Variants in CUBN observed in about 807,000 individuals in gnomAD.
CUBN encodes the protein 460 kDa receptor.
In CUBN, 282 loss-of-function variants were observed where a neutral mutation model predicts 405.3. The ratio of observed to expected loss-of-function variants is 0.70; its 90% CI spans 0.63 to 0.77. CUBN has a LOEUF of 0.77. Among genes scored for constraint, CUBN ranks in the 30% least tolerant of loss-of-function variants. The probability of loss-of-function intolerance (pLI) is 0.00; values close to 1 mark genes in which losing one functional copy is unlikely to be tolerated. For synonymous variants in CUBN, 1,684 were observed against 1,617.0 expected (o/e 1.04, Z -0.99); for missense variants, 4,514 against 4,475.2 (o/e 1.01, Z -0.25).
intron 27 of CUBN, among the ~76,000 whole-genome samples, chr10:17,029,111 T>A (rs931422735): frequency 2.0e-5 from 3 of 152,198 alleles, no homozygotes; most frequent in Middle Eastern, 3.2e-3. Context: ...CAGAAATTAT[T>A]TTAGGTTTGA....
chr10:16,972,934 AC>A (rs1339417109), intron 31 of CUBN, among the ~76,000 whole-genome samples: 4 of 152,100 alleles, frequency 2.6e-5, no homozygotes, highest in Admixed American at 2.6e-4. Flanking sequence ...TCCCAAACAG[AC>A]ATGCTACCAT....
Position 16,901,396 on chromosome 10 carries a change from T to C in CUBN, c.8126A>G (p.Tyr2709Cys). ...VITSPNYPNA[Y>C]DSLTHCSSLL... Reference sequence around the variant, plus strand: ...CGAAGAGCAGTGGGTCAGGCTGTCATAAGCATTTGGATAGTTGGGGCTTGT... The same window carrying C: ...CGAAGAGCAGTGGGTCAGGCTGTCACAAGCATTTGGATAGTTGGGGCTTGT... Residue 2709 changes from tyrosine to cysteine, a missense_variant, in exon 52 of 67, where the codon TAT becomes TGT. By Grantham distance (194) the Tyr-to-Cys change is radical. This residue lies in a region of CUBN where 1,186 missense variants were observed against 1,186.9 expected (regional missense o/e 1.00). Coordinates refer to ENST00000377833, the MANE Select transcript of CUBN (RefSeq NM_001081.4). 4 of 1,614,144 alleles carry C rather than the reference T, an allele frequency of 2.5e-6. No individual in the cohort carries two copies. Among genetic ancestry groups the C allele is most frequent in the Non-Finnish European group, 3.4e-6 (4 of 1,179,988 alleles).
At chr10:17,043,730 T>G in intron 26 of CUBN, 97 bp downstream of exon 26, 3 of 1,536,478 alleles carry the variant, frequency 2.0e-6, no homozygotes, top group Non-Finnish European at 2.7e-6. Flanking sequence ...GAACAGCGAG[T>G]ATACATACTT....
rs368864485 is a variant in CUBN, at chr10:16,925,726, T to G, written c.6320A>C (p.Lys2107Thr). The change falls in exon 42 of 67, where the codon AAG (lysine) becomes ACG (threonine). Residue 2107 changes from lysine to threonine, a missense_variant. Coordinates refer to ENST00000377833, the MANE Select transcript of CUBN (RefSeq NM_001081.4). ...GTTGGATGGGTAAGTCTCTGGATAC[T>G]TGGGGGACGTGATGATCCCTCTGTC... is the stretch of plus-strand genomic sequence containing the variant. ...HADRGIITSP[K>T]YPETYPSNLN... 1.5e-5 allele frequency: 24 copies of G among 1,613,896 alleles called. No homozygotes were observed. The African/African-American group carries it at 2.4e-4, about 16-fold the overall frequency.
In CUBN at chr10:16,950,024, C is replaced by A. The variant is rs1842887271; in HGVS notation, c.5057G>T (p.Gly1686Val). The A allele has an allele frequency of 1.2e-6, 2 of 1,613,820 alleles. No individual in the cohort carries two copies. The highest frequency in any genetic ancestry group is 1.7e-5 in the Admixed American group (1 of 60,002). The change falls in exon 34 of 67, where the codon GGC becomes GTC. Residue 1686 changes from glycine (G) to valine (V), a missense_variant. Transcript: ENST00000377833. The stretch of plus-strand genomic sequence containing the variant: ...ACCTCGGAGGGGCGCGTCTTCGTGG[C>A]CGCCATCCAAAATTTCTACAAAGTC... ...ARDFVEILDG[G>V]HEDAPLRGRY...
At chr10:16,965,253 A>G (rs1843355410) in intron 31 of CUBN, among the ~76,000 whole-genome samples, 1 of 152,128 alleles carries the variant, frequency 6.6e-6, no homozygotes, top group Non-Finnish European at 1.5e-5. Flanking sequence ...CCTTCCATTC[A>G]GTCTCAAAAC....
At position 17,063,621 on chromosome 10, in the gene CUBN, C is replaced by T. The variant is rs1835549721; in HGVS notation, c.3139+1887G>A. Among the ~76,000 whole-genome samples, 3 of 152,118 alleles carry T rather than the reference C, an allele frequency of 2.0e-5. No individual in the cohort carries two copies. The South Asian group carries it at 6.2e-4, about 31-fold the overall frequency. ...TTAGAATTAAAATCTAATATCCTCC[C>T]TGCCCAATTATTTTAACTGCTCTGG... On this transcript the variant is annotated intron_variant, in intron 22 of 66. Coordinates refer to ENST00000377833, the MANE Select transcript of CUBN (RefSeq NM_001081.4).
intron 59 of CUBN, 26 bp from the exon 60 acceptor site, chr10:16,851,469 T>C (rs1260459467): frequency 6.2e-7 from 1 of 1,606,190 alleles, no homozygotes; most frequent in Non-Finnish European, 8.5e-7. Flanking sequence ...GACATCACTA[T>C]GCAGACCAAA....
Position 17,065,656 on chromosome 10 carries a change from A to T in CUBN, c.3009-18T>A. 1 of 1,612,910 alleles carries T rather than the reference A, an allele frequency of 6.2e-7. No homozygotes were observed. The highest frequency in any genetic ancestry group is 1.1e-5 in the South Asian group (1 of 91,068). ...CACAGTATCTATTCCAAACCAAGAA[A>T]GGACAGATGTGTGTATTTTAGTTTG... is the stretch of plus-strand genomic sequence containing the variant. On this transcript the variant is annotated intron_variant, in intron 21 of 66. Transcript: ENST00000377833.
At chr10:16,878,617 C>G (rs938635599) in intron 56 of CUBN, among the ~76,000 whole-genome samples, 12 of 152,322 alleles carry the variant, frequency 7.9e-5, no homozygotes, top group African/African-American at 2.6e-4. Context: ...CCGACTTACT[C>G]TCCCACAACA....
At chr10:17,054,254 C>A (rs1349132017) in intron 22 of CUBN, among the ~76,000 whole-genome samples, 2 of 151,084 alleles carry the variant, frequency 1.3e-5, no homozygotes, top group African/African-American at 4.9e-5. Flanking sequence ...TCACTTGAAA[C>A]CAGGAGGCGG....
Position 16,954,475 on chromosome 10 carries a change from A to T in CUBN, c.4769T>A (p.Ile1590Asn). The stretch of plus-strand genomic sequence containing the variant: ...GAAGAGGCTGTTTCCTGAGGAGACG[A>T]TGGGGTTAGCCAGCTGCTCCCTTCC... ...TCGREQLANP[I>N]VSSGNSLFLR... Residue 1590 changes from isoleucine to asparagine, a missense_variant, in exon 32 of 67, where the codon ATC becomes AAC. Physicochemically the swap from Ile to Asn is moderately radical, Grantham distance 149. Coordinates refer to ENST00000377833, the MANE Select transcript of CUBN (RefSeq NM_001081.4). 2 of 1,614,042 alleles carry T rather than the reference A, an allele frequency of 1.2e-6. No homozygotes were observed. The highest frequency in any genetic ancestry group is 1.7e-6 in the Non-Finnish European group (2 of 1,180,012).
intron 27 of CUBN, among the ~76,000 whole-genome samples, chr10:17,026,313 T>C (rs893737522): frequency 1.3e-5 from 2 of 152,204 alleles, no homozygotes; most frequent in Admixed American, 1.3e-4. Flanking sequence ...GAAATGTTCC[T>C]GTAACAACAG....
intron 3 of CUBN, 66 bp from the exon 4 acceptor site, chr10:17,126,865 C>T: frequency 6.5e-7 from 1 of 1,529,046 alleles, no homozygotes; most frequent in Non-Finnish European, 9.1e-7. Flanking sequence ...GATGTTATAT[C>T]CTTGACATAT....
At chr10:16,854,508 C>T (rs143095093) in intron 59 of CUBN, among the ~76,000 whole-genome samples, 109 of 152,096 alleles carry the variant, frequency 7.2e-4, no homozygotes, top group African/African-American at 2.4e-3. Flanking sequence ...TGCAAGGGAA[C>T]GAGACTGAAG....
intron 3 of CUBN, 113 bp from the exon 4 acceptor site, chr10:17,126,912 A>G (rs755347426): frequency 1.9e-6 from 2 of 1,077,462 alleles, no homozygotes; most frequent in Non-Finnish European, 2.8e-6. Flanking sequence ...CACTTTGTTC[A>G]TTCCTCCTTT....
intron 15 of CUBN, among the ~76,000 whole-genome samples, chr10:17,087,344 A>G (rs1907365): frequency 0.16 from 24,087 of 151,962 alleles, 2,192 homozygotes; most frequent in Middle Eastern, 0.3. Flanking sequence ...CTCCTCCTCC[A>G]TATTTTAATC....
chr10:16,834,093 T>C (rs1179453457), intron 64 of CUBN, among the ~76,000 whole-genome samples: 1 of 152,178 alleles, frequency 6.6e-6, no homozygotes, highest in African/African-American at 2.4e-5. Context: ...TAAGGATGAA[T>C]GCATTTTCGA....
chr10:16,851,334 G>T lies in CUBN; in HGVS notation c.9564C>A (p.Ile3188=). Residue 3188 remains isoleucine (I), a synonymous_variant, in exon 60 of 67, where the codon ATC becomes ATA. Coordinates refer to ENST00000377833, the MANE Select transcript of CUBN (RefSeq NM_001081.4). ...TTACTTTGTTTACAGGTGCAATTATGATCCATACACAGTTTAAATTCTTGT... is the reference window on the plus strand; with the variant it reads ...TTACTTTGTTTACAGGTGCAATTATTATCCATACACAGTTTAAATTCTTGT... ...MYDKNLNCVW[I]IIAPVNKVIH... is the part of the protein sequence containing the mutation. 1 of 1,614,066 alleles carries T rather than the reference G, an allele frequency of 6.2e-7. No homozygotes were observed. The highest frequency in any genetic ancestry group is 8.5e-7 in the Non-Finnish European group (1 of 1,179,966).
Sources: gnomAD v4.1 joint callset for allele counts (sites outside exome capture counted in the v4.1 genomes callset) on GRCh38, gnomAD v4.1.1 for gene constraint, gnomAD v4.1.1 regional missense constraint, MANE v1.5 for transcripts, NCBI Gene and HGNC (gene_info 2026-07-23, HGNC 2026-07-21) for gene names.